DLG2: variants seen among roughly 807,000 people sequenced by gnomAD.
DLG2 encodes the protein disks large homolog 2.
Under a neutral mutation model 132.5 loss-of-function variants are expected in DLG2, and 45 were observed. That is an observed-to-expected ratio of 0.34 (90% CI 0.27 to 0.44). The LOEUF (loss-of-function observed/expected upper bound fraction) is 0.44, where lower values mean the gene tolerates loss of function less well. DLG2 is among the 20% of genes least tolerant of loss of function. The probability of loss-of-function intolerance (pLI) is 1.00; values close to 1 mark genes in which losing one functional copy is unlikely to be tolerated. For missense variants in DLG2, 1,045 were observed against 1,196.9 expected (o/e 0.87, Z 1.87); for synonymous variants, 424 against 419.6 (o/e 1.01, Z -0.13).
At chr11:83,834,049 A>G (rs1363351308) in intron 16 of DLG2, among the ~76,000 whole-genome samples, 1 of 152,174 alleles carries the variant, frequency 6.6e-6, no homozygotes, top group African/African-American at 2.4e-5. Flanking sequence ...TGTTTAAAAC[A>G]TCTCTTTTTG....
intron 8 of DLG2, among the ~76,000 whole-genome samples, chr11:84,165,864 C>T (rs1248841576): frequency 2.0e-5 from 3 of 152,168 alleles, no homozygotes; most frequent in Admixed American, 2.0e-4. Context: ...CACCACTACA[C>T]TCCAGCCTGG....
intron 6 of DLG2, among the ~76,000 whole-genome samples, chr11:84,867,338 C>T (rs1353248572): frequency 3.3e-5 from 5 of 152,144 alleles, no homozygotes; most frequent in African/African-American, 1.2e-4. Flanking sequence ...AGTATGGACT[C>T]CTTTAGCTTG....
intron 6 of DLG2, among the ~76,000 whole-genome samples, chr11:84,648,882 A>C (rs1439442940): frequency 6.6e-6 from 1 of 152,062 alleles, no homozygotes; most frequent in Non-Finnish European, 1.5e-5. Flanking sequence ...CCATGAGCCA[A>C]ATAAAAATTT....
intron 11 of DLG2, among the ~76,000 whole-genome samples, chr11:84,032,336 C>A (rs1415305654): frequency 6.6e-6 from 1 of 152,126 alleles, no homozygotes; most frequent in Non-Finnish European, 1.5e-5. Context: ...CCATTGAAAG[C>A]AAAAGAGCTT....
chr11:83,855,008 G>A (rs1293638458), intron 16 of DLG2, among the ~76,000 whole-genome samples: 7 of 151,902 alleles, frequency 4.6e-5, no homozygotes, highest in Admixed American at 4.6e-4. Flanking sequence ...CTAAAAATGG[G>A]CCACAGAACC....
At chr11:84,266,496 T>C (rs990288571) in intron 7 of DLG2, among the ~76,000 whole-genome samples, 1 of 152,086 alleles carries the variant, frequency 6.6e-6, no homozygotes, top group African/African-American at 2.4e-5. Flanking sequence ...CAGAAGGAAA[T>C]GGACTAAAAA....
intron 3 of DLG2, among the ~76,000 whole-genome samples, chr11:85,346,558 G>T (rs764792456): frequency 3.3e-5 from 5 of 152,090 alleles, no homozygotes; most frequent in Non-Finnish European, 5.9e-5. Flanking sequence ...GAATGCCTTT[G>T]TTCTCCAGAA....
chr11:83,480,182 T>A (rs1307301443), intron 22 of DLG2, among the ~76,000 whole-genome samples: 3 of 152,068 alleles, frequency 2.0e-5, no homozygotes, highest in African/African-American at 7.2e-5. Context: ...ACAAATCACA[T>A]AAGGGTGCAC....
chr11:83,795,604 T>G (rs1402712799), intron 17 of DLG2, among the ~76,000 whole-genome samples: 1 of 152,134 alleles, frequency 6.6e-6, no homozygotes. Flanking sequence ...TTTTCACATC[T>G]TAATGTGAAG....
chr11:85,202,168 G>T (rs895491854), intron 4 of DLG2, among the ~76,000 whole-genome samples: 6 of 151,036 alleles, frequency 4.0e-5, no homozygotes, highest in African/African-American at 7.3e-5. Context: ...CCAAAACTTT[G>T]CAAACCTGGA....
At chr11:85,449,676 A>G (rs1049625548) in intron 3 of DLG2, among the ~76,000 whole-genome samples, 10 of 152,176 alleles carry the variant, frequency 6.6e-5, no homozygotes, top group South Asian at 2.1e-4. Flanking sequence ...ATGTTTTATT[A>G]AAGCTGTTTT....
rs1048239227 is a variant in DLG2 at position 84,900,176 on chromosome 11, T to C, written c.357+211485A>G. Among the ~76,000 whole-genome samples the C allele has an allele frequency of 2.6e-5, 4 of 152,202 alleles. No individual in the cohort carries two copies. In the South Asian group the frequency reaches 8.3e-4, roughly 32 times the overall value. Reference sequence around the variant, plus strand: ...TTGTCAGAGGCAATACTGAATACATTACTGAAACTTTTCTTTCTGGTAAGC... The same window carrying C: ...TTGTCAGAGGCAATACTGAATACATCACTGAAACTTTTCTTTCTGGTAAGC... On this transcript the variant is annotated intron_variant, in intron 6 of 27. Coordinates refer to ENST00000376104, the MANE Select transcript of DLG2 (RefSeq NM_001142699.3).
intron 19 of DLG2, chr11:83,631,274 T>A (rs1591312856): frequency 6.6e-6 from 1 of 150,476 alleles, no homozygotes; most frequent in Non-Finnish European, 1.5e-5. Flanking sequence ...ACTATACGCA[T>A]GGCCCATATT....
At chr11:85,067,460 C>G (rs950896404) in intron 6 of DLG2, among the ~76,000 whole-genome samples, 1 of 151,868 alleles carries the variant, frequency 6.6e-6, no homozygotes. Flanking sequence ...TAGATCTTTC[C>G]TGCTTTCTCT....
intron 6 of DLG2, among the ~76,000 whole-genome samples, chr11:84,884,597 G>C (rs2087912835): frequency 6.6e-6 from 1 of 152,030 alleles, no homozygotes; most frequent in African/African-American, 2.4e-5. Flanking sequence ...ACTAACTTCA[G>C]ATTAATTTTT....
chr11:85,043,918 T>C (rs1461825123), intron 6 of DLG2, among the ~76,000 whole-genome samples: 2 of 151,964 alleles, frequency 1.3e-5, no homozygotes, highest in Non-Finnish European at 2.9e-5. Context: ...ATATACTTAT[T>C]GGTATGTAAG....
At chr11:85,283,550 A>G (rs879098045) in intron 4 of DLG2, among the ~76,000 whole-genome samples, 1 of 151,790 alleles carries the variant, frequency 6.6e-6, no homozygotes, top group Non-Finnish European at 1.5e-5. Context: ...AAAGCAATTA[A>G]GAATTCTAGT....
At chr11:84,424,459 T>G (rs760995641) in intron 7 of DLG2, among the ~76,000 whole-genome samples, 1 of 152,064 alleles carries the variant, frequency 6.6e-6, no homozygotes, top group Non-Finnish European at 1.5e-5. Context: ...AAAAAAAAAC[T>G]TAGGTAATAC....
At chr11:85,511,954 C>T (rs1444816054) in intron 3 of DLG2, among the ~76,000 whole-genome samples, 1 of 151,904 alleles carries the variant, frequency 6.6e-6, no homozygotes, top group Non-Finnish European at 1.5e-5. Context: ...GCTGGTAAAC[C>T]TTTGAAGCTT....
Sources: allele counts gnomAD v4.1 joint callset (sites outside exome capture counted in the v4.1 genomes callset), GRCh38; gene constraint gnomAD v4.1.1; transcripts MANE v1.5; gene names NCBI Gene and HGNC (gene_info 2026-07-23, HGNC 2026-07-21).